ARNT2: variants seen among roughly 807,000 people sequenced by gnomAD.
The protein encoded by ARNT2 is aryl hydrocarbon receptor nuclear translocator 2.
A neutral mutation model predicts 91.7 loss-of-function variants in ARNT2; 36 were observed. The observed-to-expected ratio is 0.39, with a 90% CI of 0.30 to 0.52. The LOEUF is 0.52. ARNT2 is among the 20% of genes least tolerant of loss of function. The pLI is 0.72. For missense variants in ARNT2, 775 were observed against 939.3 expected (o/e 0.83, Z 2.29); for synonymous variants, 365 against 347.1 (o/e 1.05, Z -0.57).
intron 5 of ARNT2, among the ~76,000 whole-genome samples, chr15:80,501,215 A>G (rs1897188729): frequency 1.3e-5 from 2 of 152,200 alleles, no homozygotes; most frequent in African/African-American, 4.8e-5. Context: ...GCCATAGGAA[A>G]AACCTGGAAA....
At chr15:80,577,847 G>T (rs1315754153) in intron 15 of ARNT2, among the ~76,000 whole-genome samples, 1 of 152,224 alleles carries the variant, frequency 6.6e-6, no homozygotes, top group Admixed American at 6.5e-5. Context: ...CTCTGGCCAC[G>T]CCTGCAGCTG....
chr15:80,437,731 C>T (rs1277424799), intron 1 of ARNT2, among the ~76,000 whole-genome samples: 2 of 152,166 alleles, frequency 1.3e-5, no homozygotes, highest in African/African-American at 4.8e-5. Context: ...CCAATTCCCA[C>T]GCAGCCTGCC....
At chr15:80,432,246 A>C (rs888435704) in intron 1 of ARNT2, among the ~76,000 whole-genome samples, 1 of 152,200 alleles carries the variant, frequency 6.6e-6, no homozygotes, top group African/African-American at 2.4e-5. Flanking sequence ...GTGTCTTGCC[A>C]TCAGGTCAGC....
intron 2 of ARNT2, among the ~76,000 whole-genome samples, chr15:80,454,562 C>G (rs1896454476): frequency 6.6e-6 from 1 of 152,214 alleles, no homozygotes; most frequent in South Asian, 2.1e-4. Context: ...AGCTGTTTCT[C>G]TTGGTGAACT....
At chr15:80,446,926 A>G in intron 1 of ARNT2, among the ~76,000 whole-genome samples, 1 of 152,206 alleles carries the variant, frequency 6.6e-6, no homozygotes, top group East Asian at 1.9e-4. Flanking sequence ...TGTCTTCCAC[A>G]TGAAACCCTT....
At chr15:80,543,073 G>A (rs1566997156) in intron 8 of ARNT2, among the ~76,000 whole-genome samples, 1 of 121,910 alleles carries the variant, frequency 8.2e-6, no homozygotes, top group Non-Finnish European at 1.6e-5. Context: ...CTCCAGCCTG[G>A]ATAACAGAGC....
intron 12 of ARNT2, among the ~76,000 whole-genome samples, chr15:80,568,844 ATCGG>A (rs1439707669): frequency 6.6e-6 from 1 of 152,164 alleles, no homozygotes; most frequent in Non-Finnish European, 1.5e-5. Flanking sequence ...ACAAGTGATC[ATCGG>A]TCTTCCTGAC....
chr15:80,440,231 A>T (rs1006548070), intron 1 of ARNT2, among the ~76,000 whole-genome samples: 1 of 152,190 alleles, frequency 6.6e-6, no homozygotes, highest in Non-Finnish European at 1.5e-5. Flanking sequence ...CTCAAGCATG[A>T]GACAAGTCAT....
At chr15:80,466,807 G>A (rs1295039441) in intron 3 of ARNT2, among the ~76,000 whole-genome samples, 1 of 152,208 alleles carries the variant, frequency 6.6e-6, no homozygotes, top group Non-Finnish European at 1.5e-5. Context: ...AAAATATAAA[G>A]TACTTGGAGC....
intron 12 of ARNT2, among the ~76,000 whole-genome samples, chr15:80,565,877 T>TG (rs933834889): frequency 6.6e-6 from 1 of 151,952 alleles, no homozygotes; most frequent in Non-Finnish European, 1.5e-5. Context: ...TTTGTTTGTT[T>TG]TTTCTGTGCA....
intron 5 of ARNT2, among the ~76,000 whole-genome samples, chr15:80,507,254 C>T (rs28447053): frequency 0.023 from 3,487 of 152,160 alleles, 132 homozygotes; most frequent in African/African-American, 0.078. Flanking sequence ...CCCAGAACCC[C>T]GTGGGGGGTG....
intron 1 of ARNT2, among the ~76,000 whole-genome samples, chr15:80,450,133 CT>C (rs1358205512): frequency 6.6e-6 from 1 of 152,206 alleles, no homozygotes; most frequent in Non-Finnish European, 1.5e-5. Flanking sequence ...CCTTAACGAG[CT>C]TCCAAAATTA....
intron 5 of ARNT2, among the ~76,000 whole-genome samples, chr15:80,478,826 A>G (rs1896844862): frequency 6.6e-6 from 1 of 152,224 alleles, no homozygotes; most frequent in African/African-American, 2.4e-5. Context: ...GCATAATTTT[A>G]AAATTGTATT....
At chr15:80,459,176 CT>C (rs1215048879) in intron 3 of ARNT2, among the ~76,000 whole-genome samples, 1 of 152,200 alleles carries the variant, frequency 6.6e-6, no homozygotes, top group African/African-American at 2.4e-5. Context: ...AAATCTTTTC[CT>C]TCCGTCTTTC....
At chr15:80,536,669 C>T (rs1447423976) in intron 8 of ARNT2, among the ~76,000 whole-genome samples, 2 of 152,180 alleles carry the variant, frequency 1.3e-5, no homozygotes, top group African/African-American at 2.4e-5. Context: ...CTTACCCCCA[C>T]TATCTGCCTA....
chr15:80,415,245 C>T lies in ARNT2; in HGVS notation c.31+10699C>T, dbSNP rs376991113. Among the ~76,000 whole-genome samples, 4 of 152,330 alleles carry T rather than the reference C, an allele frequency of 2.6e-5. No individual in the cohort carries two copies. In the East Asian group the frequency reaches 5.8e-4, roughly 22 times the overall value. On this transcript the variant is annotated intron_variant, in intron 1 of 18. Transcript: ENST00000303329. ...CCTCCTGCTATGTCCCCTGTGGCAG[C>T]AAGTGGCACCACTATCCATTCATTG...
chr15:80,416,358 T>A (rs1895785882), intron 1 of ARNT2, among the ~76,000 whole-genome samples: 1 of 152,150 alleles, frequency 6.6e-6, no homozygotes, highest in African/African-American at 2.4e-5. Context: ...ATACACAATG[T>A]GCCTTCTAAC....
Position 80,552,650 on chromosome 15 carries a change from C to G in ARNT2, c.965C>G (p.Ser322Cys). 1 of 1,614,098 alleles carries G rather than the reference C, an allele frequency of 6.2e-7. No individual in the cohort carries two copies. The change falls in exon 10 of 19, where the codon TCT becomes TGT. Residue 322 changes from serine (S) to cysteine (C), a missense_variant. By Grantham distance (112) the Ser-to-Cys change is moderately radical. Transcript: ENST00000303329. The stretch of plus-strand genomic sequence containing the variant: ...TTTTCCCCATCCCAGGTGACCAGCT[C>G]TCCTGTATGCATGGACATGAATGGG... The part of the protein sequence containing the change: ...VAIGRLQVTS[S>C]PVCMDMNGMS...
intron 8 of ARNT2, among the ~76,000 whole-genome samples, chr15:80,542,632 T>TA (rs1030095311): frequency 7.2e-5 from 11 of 152,226 alleles, no homozygotes; most frequent in African/African-American, 2.6e-4. Flanking sequence ...TATGGGTATT[T>TA]AAAAAAATCT....
Sources: allele counts gnomAD v4.1 joint callset (sites outside exome capture counted in the v4.1 genomes callset), GRCh38; gene constraint gnomAD v4.1.1; transcripts MANE v1.5; gene names NCBI Gene and HGNC (gene_info 2026-07-23, HGNC 2026-07-21).